Variants in ETV4 observed in about 807,000 individuals in gnomAD.
ETV4 encodes ETS variant transcription factor 4.
ETV4 carries 42 observed loss-of-function variants against 65.9 expected under a neutral mutation model. The ratio of observed to expected loss-of-function variants is 0.64; its 90% CI spans 0.50 to 0.82. The LOEUF (loss-of-function observed/expected upper bound fraction) is 0.82. Among genes scored for constraint, ETV4 ranks in the 40% least tolerant of loss-of-function variants. The pLI is 0.00. For synonymous variants in ETV4, 238 were observed against 260.0 expected, an observed-to-expected ratio of 0.92 and a Z score of 0.81; for missense variants, 583 against 630.3, an observed-to-expected ratio of 0.92 and a Z score of 0.80.
intron 4 of ETV4, among the ~76,000 whole-genome samples, chr17:43,543,707 C>A (rs1414175423): frequency 6.6e-6 from 1 of 152,204 alleles, no homozygotes; most frequent in African/African-American, 2.4e-5. Context: ...GCATGCAGGA[C>A]TTGCAGGGTC....
rs760066188 is a variant in ETV4 at position 43,536,498 on chromosome 17, G to A, written c.203-19C>T. On this transcript the variant is annotated intron_variant, in intron 4 of 12. Transcript: ENST00000319349. ...ACCTGAGCTGCAGAGAGAAGTCAGA[G>A]GTGAGTTTGGGGCGGAGCCCTGGTT... 1 of 1,613,846 alleles carries A rather than the reference G, an allele frequency of 6.2e-7. No homozygotes were observed. Among genetic ancestry groups the A allele is most frequent in the Non-Finnish European group, 8.5e-7 (1 of 1,179,744 alleles).
intron 9 of ETV4, 28 bp downstream of exon 9, chr17:43,530,079 C>T (rs1970825002): frequency 6.2e-7 from 1 of 1,609,976 alleles, no homozygotes; most frequent in Non-Finnish European, 8.5e-7. Flanking sequence ...ACATGGAGGG[C>T]TTGGCAGGGG....
At position 43,545,397 on chromosome 17, in the gene ETV4, T is replaced by C. The variant is rs368711240; in HGVS notation, c.61-30A>G. 7.5e-4 allele frequency: 1,153 copies of C among 1,541,558 alleles called. 4 individuals are homozygous for C. Among genetic ancestry groups the C allele is most frequent in the Non-Finnish European group, 5.7e-4 (651 of 1,137,920 alleles). ...GAGAAGCGGGGAGAATGCCCGCGAGTCACCCTGAGGCGCTTAGTCTGGGGG... is the reference window on the plus strand; with the variant it reads ...GAGAAGCGGGGAGAATGCCCGCGAGCCACCCTGAGGCGCTTAGTCTGGGGG... On this transcript the variant is annotated intron_variant, in intron 2 of 12. Coordinates refer to ENST00000319349, the MANE Select transcript of ETV4 (RefSeq NM_001079675.5).
intron 4 of ETV4, among the ~76,000 whole-genome samples, chr17:43,537,601 CAGG>C (rs974349051): frequency 4.8e-4 from 73 of 152,004 alleles, no homozygotes; most frequent in African/African-American, 1.7e-3. Flanking sequence ...AAGGCTGAGG[CAGG>C]AGAATTGCTT....
At position 43,530,117 on chromosome 17, in the gene ETV4, G is replaced by A. The variant is rs1433034873; in HGVS notation, c.876C>T (p.Asp292=). 6 of 1,583,344 alleles carry A rather than the reference G, an allele frequency of 3.8e-6. No individual in the cohort carries two copies. Among genetic ancestry groups the A allele is most frequent in the East Asian group, 2.3e-5 (1 of 42,798 alleles). Residue 292 remains aspartate, a synonymous_variant, in exon 9 of 13, where the codon GAC becomes GAT. Coordinates refer to ENST00000319349, the MANE Select transcript of ETV4 (RefSeq NM_001079675.5). ...TEGFSGPSPG[D]GAMGYGYEKP... ...GGGGGGCTGCCTTACCCATGGCCCC[G>A]TCACCTGGAGAGGGCCCAGAGAAGC...
intron 8 of ETV4, chr17:43,530,419 G>A: frequency 2.8e-6 from 4 of 1,409,338 alleles, no homozygotes; most frequent in Non-Finnish European, 3.7e-6. Context: ...GAAGGCAGCA[G>A]CGGGGGCTGG....
chr17:43,537,560 G>A (rs189330838), intron 4 of ETV4, among the ~76,000 whole-genome samples: 91 of 151,576 alleles, frequency 6.0e-4, no homozygotes, highest in African/African-American at 2.2e-3. Context: ...GTCAGGCGTG[G>A]CGGTGGGCAC....
intron 5 of ETV4, 80 bp downstream of exon 5, chr17:43,536,346 C>G (rs1971242250): frequency 3.2e-6 from 4 of 1,266,718 alleles, no homozygotes; most frequent in South Asian, 1.2e-5. Context: ...ACAAGCTGCT[C>G]TCTTGTGATT....
At chr17:43,545,769 C>T in intron 1 of ETV4, 101 bp from the exon 2 acceptor site, 1 of 651,932 alleles carries the variant, frequency 1.5e-6, no homozygotes, top group Non-Finnish European at 2.6e-6. Flanking sequence ...GGCGAAACTT[C>T]TCCGACTCAC....
intron 4 of ETV4, among the ~76,000 whole-genome samples, chr17:43,539,446 A>G (rs988996600): frequency 5.3e-5 from 8 of 152,152 alleles, no homozygotes; most frequent in Non-Finnish European, 1.0e-4. Flanking sequence ...TCCCTGGCAC[A>G]TATTGCCACC....
intron 4 of ETV4, 125 bp from the exon 5 acceptor site, chr17:43,536,604 G>T: frequency 1.4e-6 from 1 of 729,996 alleles, no homozygotes; most frequent in Non-Finnish European, 2.4e-6. Flanking sequence ...GATCAGGGGT[G>T]TCCACATTGT....
chr17:43,535,983 T>C (rs542317913), intron 5 of ETV4, among the ~76,000 whole-genome samples: 2 of 152,260 alleles, frequency 1.3e-5, no homozygotes, highest in Admixed American at 1.3e-4. Flanking sequence ...TGGTTGTGCA[T>C]GCCTGTAATC....
At chr17:43,533,145 A>T in intron 7 of ETV4, 42 bp downstream of exon 7, 1 of 1,601,712 alleles carries the variant, frequency 6.2e-7, no homozygotes, top group African/African-American at 1.3e-5. Context: ...GAATTGAAAA[A>T]ACACCTGGGC....
intron 4 of ETV4, among the ~76,000 whole-genome samples, chr17:43,544,622 T>C (rs1414469382): frequency 6.6e-6 from 1 of 152,164 alleles, no homozygotes; most frequent in Non-Finnish European, 1.5e-5. Flanking sequence ...ACATGCACCT[T>C]GGCCTGGCGG....
intron 8 of ETV4, among the ~76,000 whole-genome samples, 182 bp downstream of exon 8, chr17:43,532,492 A>G (rs557055127): frequency 1.3e-5 from 2 of 151,914 alleles, no homozygotes; most frequent in Non-Finnish European, 2.9e-5. Flanking sequence ...GCAGGACCCC[A>G]TTTCAAAAAA....
chr17:43,545,258 C>G lies in ETV4; in HGVS notation c.154+16G>C. ...GTGGCGGAGGAGGGTCGCGGTTTGT[C>G]TCTCTTGCTCTTTACCTTCAGAGTC... On this transcript the variant is annotated intron_variant, in intron 3 of 12. Transcript: ENST00000319349. 1.9e-6 allele frequency: 3 copies of G among 1,574,002 alleles called. 1 individual carries two copies. The South Asian group carries it at 3.4e-5, about 18-fold the overall frequency.
intron 3 of ETV4, 82 bp downstream of exon 3, chr17:43,545,192 G>A: frequency 2.2e-6 from 2 of 900,142 alleles, no homozygotes; most frequent in Non-Finnish European, 3.2e-6. Context: ...TCCAGAATCG[G>A]CCGTGTGTGT....
chr17:43,544,031 A>C (rs1251050839), intron 4 of ETV4: 2 of 152,044 alleles, frequency 1.3e-5, no homozygotes, highest in Admixed American at 6.6e-5. Context: ...CCTCAAAAAG[A>C]CCTCAAAAAA....
chr17:43,532,752 C>T lies in ETV4; in HGVS notation c.733G>A (p.Gly245Ser). ...GGGTACCTGTGCCCATTGACCCCAC[C>T]CTGGTCCACGGCTGGCTGGCCCGCC... ...EQAGQPAVDQ[G>S]GVNGHRYPGA... The change falls in exon 8 of 13, where the codon GGT becomes AGT. Residue 245 changes from glycine to serine, a missense_variant. Transcript: ENST00000319349. 6.2e-7 allele frequency: 1 copy of T among 1,614,070 alleles called. No homozygotes were observed. The highest frequency in any genetic ancestry group is 8.5e-7 in the Non-Finnish European group (1 of 1,180,020).
Sources: gnomAD v4.1 joint callset for allele counts (sites outside exome capture counted in the v4.1 genomes callset) on GRCh38, gnomAD v4.1.1 for gene constraint, MANE v1.5 for transcripts, NCBI Gene and HGNC (gene_info 2026-07-23, HGNC 2026-07-21) for gene names.